METTL15: variants seen among roughly 807,000 people sequenced by gnomAD.
The protein encoded by METTL15 is methyltransferase 15, mitochondrial 12S rRNA N4-cytidine.
A neutral mutation model predicts 38.3 loss-of-function variants in METTL15; 34 were observed. That is an observed-to-expected ratio of 0.89 (90% confidence interval 0.68 to 1.18). METTL15 has a LOEUF of 1.18. Among genes scored for constraint, METTL15 ranks in the 50% most tolerant of loss-of-function variants. The pLI, the probability that METTL15 is intolerant of heterozygous loss-of-function variation, is 0.00. For missense variants in METTL15, 438 were observed against 498.4 expected (o/e 0.88, Z 1.15); for synonymous variants, 162 against 170.9 (o/e 0.95, Z 0.41).
At chr11:28,305,231 G>A (rs1415867850) in intron 6 of METTL15, among the ~76,000 whole-genome samples, 1 of 152,228 alleles carries the variant, frequency 6.6e-6, no homozygotes, top group East Asian at 1.9e-4. Flanking sequence ...AAGAAAACCT[G>A]AGTAACTTTT....
chr11:28,121,884 A>G (rs915630362), intron 3 of METTL15, among the ~76,000 whole-genome samples: 5 of 152,030 alleles, frequency 3.3e-5, no homozygotes, highest in African/African-American at 1.2e-4. Flanking sequence ...TAAATGTAGC[A>G]TTTATAGGTA....
chr11:28,242,697 G>A (rs1177889791), intron 4 of METTL15, among the ~76,000 whole-genome samples: 1 of 152,082 alleles, frequency 6.6e-6, no homozygotes, highest in Non-Finnish European at 1.5e-5. Context: ...ACAGTTTGAA[G>A]CATTAGGAAA....
intron 5 of METTL15, among the ~76,000 whole-genome samples, chr11:28,407,733 T>C (rs1025146978): frequency 6.6e-6 from 1 of 152,190 alleles, no homozygotes; most frequent in Non-Finnish European, 1.5e-5. Context: ...TCTACCATTG[T>C]GGAACACAGT....
intron 6 of METTL15, among the ~76,000 whole-genome samples, chr11:28,513,742 G>T (rs1851695953): frequency 1.3e-5 from 2 of 152,270 alleles, no homozygotes; most frequent in South Asian, 4.1e-4. Flanking sequence ...CGAAATAAAG[G>T]GGTGGGTCTG....
intron 3 of METTL15, among the ~76,000 whole-genome samples, chr11:28,143,180 G>C (rs1003638484): frequency 6.6e-6 from 1 of 151,936 alleles, no homozygotes; most frequent in African/African-American, 2.4e-5. Flanking sequence ...AGGGTTTCAA[G>C]AGTCTGTTTT....
chr11:28,174,117 A>G (rs979036465), intron 3 of METTL15, among the ~76,000 whole-genome samples: 1 of 152,198 alleles, frequency 6.6e-6, no homozygotes, highest in Non-Finnish European at 1.5e-5. Flanking sequence ...AGGGAGTTAC[A>G]CTGCCTTCAT....
chr11:28,142,791 G>C (rs1432307749), intron 3 of METTL15, among the ~76,000 whole-genome samples: 2 of 152,174 alleles, frequency 1.3e-5, no homozygotes, highest in East Asian at 3.9e-4. Context: ...GGGCTAACTA[G>C]ATTAGATAGA....
intron 3 of METTL15, among the ~76,000 whole-genome samples, chr11:28,197,835 A>G (rs569953741): frequency 6.6e-6 from 1 of 152,238 alleles, no homozygotes; most frequent in African/African-American, 2.4e-5. Context: ...AAATCTTACC[A>G]TCATTTATTT....
chr11:28,458,445 A>G (rs1276996325), intron 6 of METTL15, among the ~76,000 whole-genome samples: 1 of 152,210 alleles, frequency 6.6e-6, no homozygotes, highest in Non-Finnish European at 1.5e-5. Flanking sequence ...ATAGCTCCCA[A>G]GTAGCTTAGG....
chr11:28,292,979 C>A (rs928802228), intron 5 of METTL15, among the ~76,000 whole-genome samples: 1 of 152,074 alleles, frequency 6.6e-6, no homozygotes, highest in Admixed American at 6.5e-5. Context: ...GAGTAGGTTG[C>A]AAAAATTTTC....
At chr11:28,350,943 A>G (rs1850035633) in intron 3 of METTL15, among the ~76,000 whole-genome samples, 1 of 152,150 alleles carries the variant, frequency 6.6e-6, no homozygotes, top group Non-Finnish European at 1.5e-5. Context: ...TTTCAGAGCA[A>G]GGATCTCTCA....
chr11:28,277,472 C>T (rs907776746), intron 4 of METTL15, among the ~76,000 whole-genome samples: 1 of 151,974 alleles, frequency 6.6e-6, no homozygotes, highest in African/African-American at 2.4e-5. Flanking sequence ...CCGAAGCGGG[C>T]AGATTACCTG....
At chr11:28,151,197 T>G (rs1850076445) in intron 3 of METTL15, among the ~76,000 whole-genome samples, 1 of 151,856 alleles carries the variant, frequency 6.6e-6, no homozygotes, top group African/African-American at 2.4e-5. Flanking sequence ...TATATATAAT[T>G]TACTTGTTTT....
At chr11:28,256,728 T>G (rs1027968600) in intron 4 of METTL15, among the ~76,000 whole-genome samples, 1 of 152,096 alleles carries the variant, frequency 6.6e-6, no homozygotes, top group African/African-American at 2.4e-5. Flanking sequence ...TTATTATTTA[T>G]TTTCTTCCAC....
intron 3 of METTL15, among the ~76,000 whole-genome samples, chr11:28,162,168 G>T (rs1418966412): frequency 6.6e-6 from 1 of 152,088 alleles, no homozygotes. Flanking sequence ...AACTTAGCTA[G>T]TAGTAGAGTT....
chr11:28,518,803 C>T (rs1851740521), intron 6 of METTL15, among the ~76,000 whole-genome samples: 1 of 152,202 alleles, frequency 6.6e-6, no homozygotes, highest in African/African-American at 2.4e-5. Context: ...CTGTGAATCA[C>T]CACACTCACC....
intron 3 of METTL15, among the ~76,000 whole-genome samples, chr11:28,194,122 A>ATCTTTCCTTCTT (rs1554995566): frequency 2.0e-5 from 2 of 99,168 alleles, no homozygotes; most frequent in Admixed American, 1.1e-4. Context: ...TTGATGGTTG[A>ATCTTTCCTTCTT]TCTTTCTTTC....
chr11:28,492,553 C>G (rs1254351459), intron 6 of METTL15, among the ~76,000 whole-genome samples: 1 of 151,798 alleles, frequency 6.6e-6, no homozygotes, highest in Non-Finnish European at 1.5e-5. Context: ...CACATACACA[C>G]ACACAACATT....
intron 6 of METTL15, among the ~76,000 whole-genome samples, chr11:28,453,652 C>T (rs551840064): frequency 6.6e-5 from 10 of 152,298 alleles, no homozygotes; most frequent in Non-Finnish European, 1.0e-4. Context: ...CTTCTAACTA[C>T]GTAATCAAGA....
Sources: allele counts gnomAD v4.1 joint callset (sites outside exome capture counted in the v4.1 genomes callset), GRCh38; gene constraint gnomAD v4.1.1; transcripts MANE v1.5; gene names NCBI Gene and HGNC (gene_info 2026-07-23, HGNC 2026-07-21).